ACACB: variants seen among roughly 807,000 people sequenced by gnomAD.
The protein encoded by ACACB is acetyl-CoA carboxylase 2.
A neutral mutation model predicts 278.8 loss-of-function variants in ACACB; 209 were observed. That is an observed-to-expected ratio of 0.75 (90% CI 0.67 to 0.84). The LOEUF (loss-of-function observed/expected upper bound fraction) is 0.84. Ranked by LOEUF, ACACB falls within the 40% of genes least tolerant of loss-of-function variation. The pLI is 0.00. For missense variants in ACACB, 2,850 were observed against 3,269.0 expected (o/e 0.87, Z 3.13); for synonymous variants, 1,174 against 1,285.6 (o/e 0.91, Z 1.86).
intron 1 of ACACB, among the ~76,000 whole-genome samples, chr12:109,137,607 C>A (rs908015161): frequency 2.0e-5 from 3 of 151,488 alleles, no homozygotes; most frequent in African/African-American, 7.3e-5. Flanking sequence ...TTGCAGTGAG[C>A]TGAGATTACG....
At chr12:109,117,430 T>G (rs904129562) in intron 1 of ACACB, among the ~76,000 whole-genome samples, 2 of 151,734 alleles carry the variant, frequency 1.3e-5, no homozygotes, top group Admixed American at 6.6e-5. Context: ...TGGTCCTATA[T>G]CCTATATTTC....
At chr12:109,248,867 AGT>A (rs1258339034) in intron 40 of ACACB, 4 of 152,234 alleles carry the variant, frequency 2.6e-5, no homozygotes, top group Non-Finnish European at 5.9e-5. Context: ...CTGGCGGGAC[AGT>A]GTTTCTCATT....
rs147753594 is a variant in ACACB, at chr12:109,124,788, C to T, written c.-10+8084C>T. Among the ~76,000 whole-genome samples the T allele has an allele frequency of 3.2e-3, 489 of 152,288 alleles. 2 individuals are homozygous for T. Among genetic ancestry groups the T allele is most frequent in the African/African-American group, 0.011 (447 of 41,554 alleles). On this transcript the variant is annotated intron_variant, in intron 1 of 52. Coordinates refer to ENST00000338432, the MANE Select transcript of ACACB (RefSeq NM_001093.4). ...AGAGTGCAGTGGCACAATCTTGGCT[C>T]ACTGCAACCTCAACTTGTCAGGTTC...
At chr12:109,178,421 G>GT in intron 9 of ACACB, among the ~76,000 whole-genome samples, 1 of 152,272 alleles carries the variant, frequency 6.6e-6, no homozygotes, top group South Asian at 2.1e-4. Context: ...AGATTAGTGT[G>GT]TTTTGGTCCC....
intron 31 of ACACB, 37 bp downstream of exon 31, chr12:109,234,082 T>G: frequency 6.5e-7 from 1 of 1,528,698 alleles, no homozygotes; most frequent in Non-Finnish European, 8.9e-7. Context: ...GTGGGGGTTC[T>G]TGGAGAAGGA....
rs757630628 is a variant in ACACB, at chr12:109,191,722, G to A, written c.2254G>A (p.Asp752Asn). The A allele has an allele frequency of 6.2e-6, 10 of 1,614,042 alleles. No individual in the cohort carries two copies. The African/African-American group carries it at 8.0e-5, about 13-fold the overall frequency. ...ETESFQNNDI[D>N]TGWLDYLIAE... is the part of the protein sequence containing the mutation. Reference sequence around the variant, plus strand: ...CGAGAGCTTCCAGAACAACGACATCGACACCGGGTGGTTGGACTACCTCAT... The same window carrying A: ...CGAGAGCTTCCAGAACAACGACATCAACACCGGGTGGTTGGACTACCTCAT... The change falls in exon 14 of 53, where the codon GAC becomes AAC. Residue 752 changes from aspartate (D) to asparagine (N), a missense_variant. Coordinates refer to ENST00000338432, the MANE Select transcript of ACACB (RefSeq NM_001093.4).
intron 1 of ACACB, among the ~76,000 whole-genome samples, chr12:109,133,165 T>C (rs1176753595): frequency 6.6e-6 from 1 of 152,220 alleles, no homozygotes; most frequent in Non-Finnish European, 1.5e-5. Context: ...CAGGAATCAA[T>C]GTAAACAATG....
intron 2 of ACACB, among the ~76,000 whole-genome samples, chr12:109,140,328 TTCCTTCCTTCCTTCCTTCC>T (rs879302842): frequency 0.06 from 8,328 of 139,964 alleles, 868 homozygotes; most frequent in East Asian, 0.31. Context: ...CCTTCCTTCC[TTCCTTCCTTCCTTCCTTCC>T]TTCCCTCCTT....
upstream of ACACB, among the ~76,000 whole-genome samples, chr12:109,113,977 C>G (rs1039236754): frequency 6.6e-6 from 1 of 151,922 alleles, no homozygotes; most frequent in Non-Finnish European, 1.5e-5. Context: ...CAATGGGAAC[C>G]AATTTTTTTT....
chr12:109,147,261 C>T (rs1296188642), intron 2 of ACACB, among the ~76,000 whole-genome samples: 1 of 151,748 alleles, frequency 6.6e-6, no homozygotes, highest in Non-Finnish European at 1.5e-5. Context: ...GACACAGTTT[C>T]ACTCTGTCAC....
intron 1 of ACACB, among the ~76,000 whole-genome samples, chr12:109,125,007 C>T (rs1336689446): frequency 6.6e-6 from 1 of 152,172 alleles, no homozygotes; most frequent in Non-Finnish European, 1.5e-5. Flanking sequence ...AGCCACTGTG[C>T]CCGGCCCAAC....
intron 1 of ACACB, among the ~76,000 whole-genome samples, chr12:109,130,455 C>A (rs566704143): frequency 6.6e-6 from 1 of 152,162 alleles, no homozygotes; most frequent in Non-Finnish European, 1.5e-5. Flanking sequence ...CTCAATATAG[C>A]GGAAGAACTG....
intron 24 of ACACB, among the ~76,000 whole-genome samples, chr12:109,221,825 G>T (rs749213210): frequency 1.3e-4 from 20 of 151,382 alleles, no homozygotes; most frequent in Non-Finnish European, 2.1e-4. Flanking sequence ...TATATAAAGG[G>T]TCTAGCTGTT....
intron 2 of ACACB, among the ~76,000 whole-genome samples, chr12:109,166,114 C>CA (rs1221407885): frequency 1.3e-5 from 2 of 151,676 alleles, no homozygotes; most frequent in East Asian, 3.9e-4. Context: ...CCTGTCTCTA[C>CA]AAAAAAGAAA....
intron 47 of ACACB, among the ~76,000 whole-genome samples, chr12:109,259,683 G>GC (rs2047328596): frequency 6.6e-6 from 1 of 152,212 alleles, no homozygotes; most frequent in Non-Finnish European, 1.5e-5. Flanking sequence ...CCCAGGAGCT[G>GC]CCGGGTGACC....
chr12:109,250,010 A>G lies in ACACB; in HGVS notation c.5696A>G (p.Lys1899Arg), dbSNP rs1370651167. ...SRYMITDIIG[K>R]DDGLGVENLR... ...TACATGATCACGGATATCATCGGGA[A>G]GGATGATGGCTTGGGCGTGGAGAAT... Residue 1899 changes from lysine to arginine, a missense_variant, in exon 41 of 53, where the codon AAG (lysine) becomes AGG (arginine). By Grantham distance (26) the Lys-to-Arg change is conservative. Around this residue, in one of 3 missense-constraint regions of ACACB, gnomAD observed 2,265 missense variants for 2,561.3 expected, o/e 0.88. Transcript: ENST00000338432. 1.2e-6 allele frequency: 2 copies of G among 1,613,454 alleles called. No individual in the cohort carries two copies. Among genetic ancestry groups the G allele is most frequent in the Admixed American group, 3.3e-5 (2 of 59,928 alleles).
chr12:109,185,453 A>G (rs2044619436), intron 11 of ACACB, 126 bp from the exon 12 acceptor site: 3 of 1,014,394 alleles, frequency 3.0e-6, no homozygotes, highest in Non-Finnish European at 4.4e-6. Flanking sequence ...CATGTTGTCT[A>G]TAGAGTAGTG....
chr12:109,261,485 C>G (rs1330001649), intron 48 of ACACB, among the ~76,000 whole-genome samples: 1 of 152,114 alleles, frequency 6.6e-6, no homozygotes, highest in South Asian at 2.1e-4. Flanking sequence ...TGCTGGCCAC[C>G]AGGAAGCTCA....
chr12:109,239,701 C>T lies in ACACB; in HGVS notation c.4663-129C>T, dbSNP rs984261488. The T allele has an allele frequency of 3.5e-5, 39 of 1,128,252 alleles. No individual in the cohort carries two copies. In the African/African-American group the frequency reaches 5.1e-4, roughly 15 times the overall value. The allele number at this position is 1,128,252 out of a possible 1,614,324, so 69.9% of individuals were successfully genotyped here. A position where few individuals can be genotyped will look rare whatever the true frequency, so the allele number is the denominator to read the frequency against. Reference sequence around the variant, plus strand: ...GAGAGGCAGGGCTCTGCTGTTCTTGCCTGGCACACTTTTTGGAGGAGGGGA... The same window carrying T: ...GAGAGGCAGGGCTCTGCTGTTCTTGTCTGGCACACTTTTTGGAGGAGGGGA... On this transcript the variant is annotated intron_variant, in intron 34 of 52. Transcript: ENST00000338432.
Sources: gnomAD v4.1 joint callset for allele counts (sites outside exome capture counted in the v4.1 genomes callset) on GRCh38, gnomAD v4.1.1 for gene constraint, gnomAD v4.1.1 regional missense constraint, MANE v1.5 for transcripts, NCBI Gene and HGNC (gene_info 2026-07-23, HGNC 2026-07-21) for gene names.